Variants in HESX1 observed in about 807,000 individuals in gnomAD.
HESX1 encodes the protein homeobox expressed in ES cells 1.
In HESX1, 11 loss-of-function variants were observed where a neutral mutation model predicts 22.5. The observed-to-expected ratio is 0.49, with a 90% CI of 0.31 to 0.81. The LOEUF (loss-of-function observed/expected upper bound fraction) is 0.81. HESX1 is among the 30% of genes least tolerant of loss of function. HESX1 has a pLI of 0.05. For missense variants in HESX1, 201 were observed against 212.6 expected (o/e 0.95, Z 0.34); for synonymous variants, 74 against 76.5 (o/e 0.97, Z 0.17).
chr3:57,198,684 G>T, intron 2 of HESX1, 69 bp downstream of exon 2: 1 of 1,379,118 alleles, frequency 7.3e-7, no homozygotes, highest in African/African-American at 1.4e-5. Flanking sequence ...CAAAGTGAGT[G>T]GGCTTTTGCT....
intron 1 of HESX1, among the ~76,000 whole-genome samples, chr3:57,206,732 A>G (rs965887991): frequency 6.6e-6 from 1 of 152,234 alleles, no homozygotes; most frequent in Admixed American, 6.5e-5. Context: ...CTTGGTTCCT[A>G]GAAAAGGCAA....
At chr3:57,201,098 T>G (rs567075368), upstream of HESX1, among the ~76,000 whole-genome samples, 22 of 152,282 alleles carry the variant, frequency 1.4e-4, no homozygotes, top group Non-Finnish European at 2.9e-5. Flanking sequence ...GTTCTTTCCT[T>G]CAGGGAAGGG....
At chr3:57,211,526 T>C (rs1310493508) in intron 1 of HESX1, among the ~76,000 whole-genome samples, 2 of 13,694 alleles carry the variant, frequency 1.5e-4, no homozygotes, top group Admixed American at 3.0e-3. Context: ...AGAGACCTTG[T>C]CAAAAAAAAA....
chr3:57,220,821 C>T (rs2060611546), intron 1 of HESX1, among the ~76,000 whole-genome samples: 1 of 152,088 alleles, frequency 6.6e-6, no homozygotes, highest in Non-Finnish European at 1.5e-5. Context: ...TGTTTTTGTC[C>T]AAAATTAGGG....
intron 1 of HESX1, among the ~76,000 whole-genome samples, chr3:57,218,150 A>C (rs2060593385): frequency 6.6e-6 from 1 of 152,144 alleles, no homozygotes; most frequent in African/African-American, 2.4e-5. Flanking sequence ...TAGGTTTGTT[A>C]CATAGTTAAA....
At chr3:57,203,775 G>A (rs563986582), upstream of HESX1, among the ~76,000 whole-genome samples, 19 of 151,970 alleles carry the variant, frequency 1.3e-4, no homozygotes, top group Non-Finnish European at 2.4e-4. Context: ...GGCTGGTCTT[G>A]AACTCCTGAC....
chr3:57,213,137 T>C (rs2060565417), intron 1 of HESX1, among the ~76,000 whole-genome samples: 1 of 152,098 alleles, frequency 6.6e-6, no homozygotes, highest in African/African-American at 2.4e-5. Flanking sequence ...GGATGAACCA[T>C]AATTTTATCA....
chr3:57,222,565 C>T (rs1011821054), intron 1 of HESX1, among the ~76,000 whole-genome samples: 7 of 152,222 alleles, frequency 4.6e-5, no homozygotes, highest in Admixed American at 6.5e-5. Flanking sequence ...AGCCTATGAG[C>T]AATTTTTTCC....
chr3:57,225,998 G>T (rs1261830853), intron 1 of HESX1, among the ~76,000 whole-genome samples: 23 of 150,402 alleles, frequency 1.5e-4, no homozygotes, highest in Non-Finnish European at 3.0e-4. Context: ...TCCTGCCTCA[G>T]CCGCCTGAGT....
At chr3:57,202,031 G>A (rs2060492662), upstream of HESX1, among the ~76,000 whole-genome samples, 1 of 151,776 alleles carries the variant, frequency 6.6e-6, no homozygotes, top group Non-Finnish European at 1.5e-5. Flanking sequence ...CCATTCTCCT[G>A]CCTCAGCCTC....
upstream of HESX1, among the ~76,000 whole-genome samples, chr3:57,201,541 G>A (rs1490683424): frequency 6.6e-6 from 1 of 150,834 alleles, no homozygotes; most frequent in African/African-American, 2.4e-5. Flanking sequence ...CCTTCATAGA[G>A]CTCACAGTGG....
chr3:57,220,085 T>A (rs761361625), intron 1 of HESX1, among the ~76,000 whole-genome samples: 20 of 152,200 alleles, frequency 1.3e-4, no homozygotes, highest in African/African-American at 2.7e-4. Context: ...GCACCATTTA[T>A]TAAACAGGGA....
chr3:57,198,341 T>C (rs1019646173), intron 3 of HESX1, 46 bp from the exon 4 acceptor site: 1 of 1,563,308 alleles, frequency 6.4e-7, no homozygotes. Context: ...CATTATTTTA[T>C]TATTCTTAAC....
chr3:57,216,400 G>C (rs2060582884), intron 1 of HESX1, among the ~76,000 whole-genome samples: 1 of 152,136 alleles, frequency 6.6e-6, no homozygotes, highest in South Asian at 2.1e-4. Flanking sequence ...CAGATCACTT[G>C]AGCCCAGCAG....
intron 1 of HESX1, among the ~76,000 whole-genome samples, chr3:57,213,052 G>GAC (rs113793630): frequency 0.015 from 2,211 of 149,878 alleles, 44 homozygotes; most frequent in African/African-American, 0.046. Flanking sequence ...CCCATAGTGT[G>GAC]ACACACACAC....
chr3:57,227,484 C>G (rs2060654698), upstream of HESX1, among the ~76,000 whole-genome samples: 1 of 152,248 alleles, frequency 6.6e-6, no homozygotes, highest in African/African-American at 2.4e-5. Context: ...GAGGCTCTGG[C>G]TCCTCGCGCC....
rs1365672590 is a variant in HESX1, at chr3:57,198,130, CTT to C, written c.*65_*66del. On this transcript the variant is annotated 3_prime_UTR_variant, in exon 4 of 4. Transcript: ENST00000295934. ...GGAAAGAAAACATCACATTTTAACA[CTT>C]AATATTTCCACTGATTCTTCATGCT... 1 of 999,096 alleles carries C rather than the reference CTT, an allele frequency of 1.0e-6. No homozygotes were observed. The highest frequency in any genetic ancestry group is 1.6e-6 in the Non-Finnish European group (1 of 630,034). 61.9% of individuals were successfully genotyped at this position (999,096 alleles called of 1,614,324 possible). A position where few individuals can be genotyped will look rare whatever the true frequency, so the allele number is the denominator to read the frequency against.
chr3:57,205,515 T>C (rs1453390755), intron 1 of HESX1, among the ~76,000 whole-genome samples: 1 of 152,096 alleles, frequency 6.6e-6, no homozygotes, highest in Non-Finnish European at 1.5e-5. Context: ...TGATCTCACC[T>C]CCTACTCCTC....
At chr3:57,227,472 T>C (rs527539950), upstream of HESX1, among the ~76,000 whole-genome samples, 111 of 152,336 alleles carry the variant, frequency 7.3e-4, 1 homozygote, top group Non-Finnish European at 8.8e-4. Context: ...TGGCCCTAAC[T>C]CGAGGCTCTG....
Sources: allele counts gnomAD v4.1 joint callset (sites outside exome capture counted in the v4.1 genomes callset), GRCh38; gene constraint gnomAD v4.1.1; transcripts MANE v1.5; gene names NCBI Gene and HGNC (gene_info 2026-07-23, HGNC 2026-07-21).